The following SCML2 variants were observed in gnomAD, a reference collection of about 807,000 sequenced individuals.
SCML2 encodes the protein Scm polycomb group protein like 2, also known as sex comb on midleg-like protein 2.
SCML2 carries 6 observed loss-of-function variants against 48.4 expected under a neutral mutation model. The ratio of observed to expected loss-of-function variants is 0.12; its 90% CI spans 0.07 to 0.24. SCML2 has a LOEUF of 0.24. Among genes scored for constraint, SCML2 ranks in the 10% least tolerant of loss-of-function variants. SCML2 has a pLI of 1.00. For missense variants in SCML2, 377 were observed against 528.2 expected, an observed-to-expected ratio of 0.71 and a Z score of 2.81; for synonymous variants, 181 against 189.5, an observed-to-expected ratio of 0.95 and a Z score of 0.37.
intron 3 of SCML2, among the ~76,000 whole-genome samples, chrX:18,326,458 C>T (rs1233313056): frequency 9.1e-6 from 1 of 109,997 alleles, no homozygotes; most frequent in Non-Finnish European, 1.9e-5. Flanking sequence ...GTGAACAGAT[C>T]ACCTGAGGTC....
At position 18,305,269 on chromosome X, in the gene SCML2, C is replaced by T; in HGVS notation, c.487-54G>A. ...TTCATTGTTAAGATGTATTAAGACT[C>T]ATGTGCTCGAAGTGAAAAGTTGCGT... On this transcript the variant is annotated intron_variant, in intron 6 of 14. Coordinates refer to ENST00000251900, the MANE Select transcript of SCML2 (RefSeq NM_006089.3). 4.6e-6 allele frequency: 5 copies of T among 1,096,963 alleles called. No homozygotes were observed. The South Asian group carries it at 9.3e-5, about 20-fold the overall frequency. 90.4% of individuals were successfully genotyped at this position (1,096,963 alleles called of 1,213,427 possible).
intron 7 of SCML2, among the ~76,000 whole-genome samples, chrX:18,274,472 G>C (rs1927564828): frequency 8.9e-6 from 1 of 111,915 alleles, no homozygotes; most frequent in Non-Finnish European, 1.9e-5. Context: ...GCCATTCCAG[G>C]CTGCCCTTTC....
At chrX:18,298,362 T>C (rs1037811012) in intron 7 of SCML2, among the ~76,000 whole-genome samples, 2 of 111,792 alleles carry the variant, frequency 1.8e-5, no homozygotes, top group African/African-American at 6.5e-5. Flanking sequence ...GACTTCAAAA[T>C]ACATTGCAAG....
At chrX:18,340,167 C>T (rs952037619) in intron 1 of SCML2, among the ~76,000 whole-genome samples, 2 of 112,143 alleles carry the variant, frequency 1.8e-5, no homozygotes, top group Admixed American at 1.9e-4. Context: ...GTAATCCCAG[C>T]ACTCTGAGAG....
At chrX:18,344,262 T>A (rs1022722439) in intron 1 of SCML2, among the ~76,000 whole-genome samples, 2 of 112,077 alleles carry the variant, frequency 1.8e-5, no homozygotes, top group African/African-American at 6.5e-5. Flanking sequence ...TTTAAAAGCA[T>A]TACAAACCCT....
chrX:18,260,043 G>A (rs1927003502), intron 9 of SCML2, 128 bp downstream of exon 9: 4 of 440,692 alleles, frequency 9.1e-6, no homozygotes, highest in African/African-American at 7.7e-5. Flanking sequence ...TATGAAAAAT[G>A]CAAAGATAAA....
At chrX:18,307,380 T>C (rs1313970183) in intron 6 of SCML2, among the ~76,000 whole-genome samples, 1 of 111,456 alleles carries the variant, frequency 9.0e-6, no homozygotes, top group Admixed American at 9.6e-5. Flanking sequence ...TAAGAAGCAG[T>C]GTTACATGAA....
At chrX:18,289,884 T>C (rs1928173984) in intron 7 of SCML2, among the ~76,000 whole-genome samples, 1 of 111,349 alleles carries the variant, frequency 9.0e-6, no homozygotes, top group Non-Finnish European at 1.9e-5. Context: ...GATGGGAGTG[T>C]GGAAAGTAGA....
chrX:18,324,946 C>G lies in SCML2; in HGVS notation c.123G>C (p.Glu41Asp), dbSNP rs778434895. 115 of 1,203,099 alleles carry G rather than the reference C, an allele frequency of 9.6e-5. No homozygotes were observed. The highest frequency in any genetic ancestry group is 1.3e-4 in the Non-Finnish European group (114 of 889,654). Residue 41 changes from glutamate to aspartate, a missense_variant, in exon 4 of 15, where the codon GAG becomes GAC. Coordinates refer to ENST00000251900, the MANE Select transcript of SCML2 (RefSeq NM_006089.3). ...DDFHWEEYLK[E>D]TGSISAPSEC... ...CTGAAGGAGCACTTATAGACCCAGTCTCTTTCAAATACTCCTCCCAGTGGA... is the reference window on the plus strand; with the variant it reads ...CTGAAGGAGCACTTATAGACCCAGTGTCTTTCAAATACTCCTCCCAGTGGA...
At chrX:18,255,794 C>A (rs1359628070) in intron 11 of SCML2, among the ~76,000 whole-genome samples, 1 of 112,650 alleles carries the variant, frequency 8.9e-6, no homozygotes, top group Non-Finnish European at 1.9e-5. Context: ...GAATTAGAAT[C>A]CCTGGACTTA....
At chrX:18,245,567 A>G (rs1362265027) in intron 13 of SCML2, among the ~76,000 whole-genome samples, 1 of 111,490 alleles carries the variant, frequency 9.0e-6, no homozygotes, top group Non-Finnish European at 1.9e-5. Flanking sequence ...AACACCCATG[A>G]TCAAAGGCAA....
chrX:18,339,203 C>T (rs1488399191), intron 1 of SCML2, among the ~76,000 whole-genome samples: 1 of 111,606 alleles, frequency 9.0e-6, no homozygotes, highest in Non-Finnish European at 1.9e-5. Flanking sequence ...TTAAATTGCT[C>T]TTATATTAAG....
At chrX:18,290,131 A>G (rs1928184576) in intron 7 of SCML2, among the ~76,000 whole-genome samples, 2 of 112,183 alleles carry the variant, frequency 1.8e-5, no homozygotes, top group South Asian at 7.4e-4. Context: ...TCAAAGAAGC[A>G]GCTAACACTG....
At position 18,250,379 on chromosome X, in the gene SCML2, AT is replaced by A. The variant is rs750451002; in HGVS notation, c.1457-2498del. Among the ~76,000 whole-genome samples, 294 of 102,718 alleles carry A rather than the reference AT, an allele frequency of 2.9e-3. 1 individual carries two copies. The highest frequency in any genetic ancestry group is 0.015 in the Middle Eastern group (3 of 206). The allele number at this position is 102,718 out of a possible 115,157, so 89.2% of individuals were successfully genotyped here. A position where few individuals can be genotyped will look rare whatever the true frequency, so the allele number is the denominator to read the frequency against. On this transcript the variant is annotated intron_variant, in intron 11 of 14. Coordinates refer to ENST00000251900, the MANE Select transcript of SCML2 (RefSeq NM_006089.3). ...AGGCACATGCCACCACGCCTGGCTAATTTTTTTTTTTCTTTTTTTTGAGATG... is the reference window on the plus strand; with the variant it reads ...AGGCACATGCCACCACGCCTGGCTAATTTTTTTTTTCTTTTTTTTGAGATG...
intron 7 of SCML2, among the ~76,000 whole-genome samples, chrX:18,291,063 C>T (rs1272872918): frequency 5.4e-5 from 6 of 111,729 alleles, no homozygotes; most frequent in South Asian, 7.5e-4. Flanking sequence ...ACGTTGAAAA[C>T]GGAAAACGGC....
At chrX:18,317,910 G>A (rs1480690790) in intron 6 of SCML2, among the ~76,000 whole-genome samples, 1 of 110,109 alleles carries the variant, frequency 9.1e-6, no homozygotes, top group Non-Finnish European at 1.9e-5. Context: ...GAGGAATGAA[G>A]GAATGGTTGG....
chrX:18,328,222 C>T (rs773181725), intron 3 of SCML2, among the ~76,000 whole-genome samples: 1 of 111,641 alleles, frequency 9.0e-6, no homozygotes, highest in African/African-American at 3.3e-5. Context: ...ATGTCTTCCA[C>T]CAGTGCTATC....
intron 7 of SCML2, among the ~76,000 whole-genome samples, chrX:18,291,272 T>C (rs180973591): frequency 2.0e-4 from 22 of 111,167 alleles, no homozygotes; most frequent in Admixed American, 1.9e-3. Flanking sequence ...CTTTGAAAGA[T>C]TGTAGGGTCA....
At chrX:18,330,390 T>G (rs1929615850) in intron 3 of SCML2, among the ~76,000 whole-genome samples, 197 bp downstream of exon 3, 1 of 112,510 alleles carries the variant, frequency 8.9e-6, no homozygotes, top group African/African-American at 3.2e-5. Flanking sequence ...TTAATCCGTG[T>G]CAACTTATCT....
Sources: gnomAD v4.1 joint callset for allele counts (sites outside exome capture counted in the v4.1 genomes callset) on GRCh38, gnomAD v4.1.1 for gene constraint, MANE v1.5 for transcripts, NCBI Gene and HGNC (gene_info 2026-07-23, HGNC 2026-07-21) for gene names.